FARP1: variants seen among roughly 807,000 people sequenced by gnomAD.
The protein encoded by FARP1 is FERM, ARHGEF and pleckstrin domain-containing protein 1.
A neutral mutation model predicts 128.8 loss-of-function variants in FARP1; 52 were observed. The ratio of observed to expected loss-of-function variants is 0.40; its 90% CI spans 0.32 to 0.51. FARP1 has a LOEUF of 0.51. Ranked by LOEUF, FARP1 falls within the 20% of genes least tolerant of loss-of-function variation. FARP1 has a pLI of 0.45. For missense variants in FARP1, 1,333 were observed against 1,367.9 expected (o/e 0.97, Z 0.40); for synonymous variants, 580 against 551.8 (o/e 1.05, Z -0.72).
At chr13:98,232,823 G>A (rs1317942128) in intron 2 of FARP1, among the ~76,000 whole-genome samples, 2 of 152,216 alleles carry the variant, frequency 1.3e-5, no homozygotes, top group Non-Finnish European at 2.9e-5. Flanking sequence ...TTCATATTGA[G>A]TGAATGATGA....
intron 6 of FARP1, among the ~76,000 whole-genome samples, chr13:98,378,395 A>G (rs1396409862): frequency 6.6e-6 from 1 of 152,168 alleles, no homozygotes; most frequent in Non-Finnish European, 1.5e-5. Flanking sequence ...AGATATTTTA[A>G]TTTGCCTTAA....
At position 98,448,149 on chromosome 13, in the gene FARP1, A is replaced by T. The variant is rs112526206; in HGVS notation, c.3057-87A>T. 317 of 1,161,896 alleles carry T rather than the reference A, an allele frequency of 2.7e-4. No individual in the cohort carries two copies. In the African/African-American group the frequency reaches 4.0e-3, roughly 15 times the overall value. The allele number at this position is 1,161,896 out of a possible 1,614,324, so 72.0% of individuals were successfully genotyped here. ...ATTACCAACCAGGCGGCCTGACTTCACCTTGTGTTTCTGTAAGCGATGCCC... is the reference window on the plus strand; with the variant it reads ...ATTACCAACCAGGCGGCCTGACTTCTCCTTGTGTTTCTGTAAGCGATGCCC... On this transcript the variant is annotated intron_variant, in intron 26 of 26. Transcript: ENST00000319562.
At chr13:98,145,347 A>G (rs1875447533) in intron 1 of FARP1, among the ~76,000 whole-genome samples, 1 of 152,182 alleles carries the variant, frequency 6.6e-6, no homozygotes. Context: ...CGTGGTTTCT[A>G]ATGCCCCCTT....
intron 4 of FARP1, among the ~76,000 whole-genome samples, chr13:98,367,184 C>A (rs554578704): frequency 6.6e-6 from 1 of 151,832 alleles, no homozygotes; most frequent in South Asian, 2.1e-4. Context: ...GAGATGGAGT[C>A]TTGCTCTCTC....
intron 4 of FARP1, among the ~76,000 whole-genome samples, chr13:98,366,727 T>A (rs1324781514): frequency 6.6e-6 from 1 of 152,188 alleles, no homozygotes; most frequent in Admixed American, 6.5e-5. Context: ...TCAGTGAAAA[T>A]CGCAGAGAAT....
intron 2 of FARP1, among the ~76,000 whole-genome samples, chr13:98,305,526 G>C: frequency 6.6e-6 from 1 of 152,208 alleles, no homozygotes; most frequent in Middle Eastern, 3.4e-3. Context: ...TAGAGACGGG[G>C]TTTCTCCATG....
intron 2 of FARP1, among the ~76,000 whole-genome samples, chr13:98,322,766 A>G (rs1163399478): frequency 6.6e-6 from 1 of 152,224 alleles, no homozygotes; most frequent in African/African-American, 2.4e-5. Context: ...TTTCACGGTT[A>G]TAATAACCAT....
At chr13:98,189,441 C>T (rs751192519) in intron 1 of FARP1, among the ~76,000 whole-genome samples, 5 of 152,096 alleles carry the variant, frequency 3.3e-5, no homozygotes, top group Admixed American at 6.5e-5. Context: ...ATACTTTGGT[C>T]ATTTTAACAG....
At chr13:98,222,713 C>T (rs1326953111) in intron 2 of FARP1, among the ~76,000 whole-genome samples, 5 of 151,780 alleles carry the variant, frequency 3.3e-5, no homozygotes, top group African/African-American at 4.8e-5. Context: ...CCTCCGCCTC[C>T]CGGGTTCAAG....
intron 3 of FARP1, among the ~76,000 whole-genome samples, chr13:98,346,364 A>T (rs1185555624): frequency 6.6e-6 from 1 of 150,938 alleles, no homozygotes; most frequent in Non-Finnish European, 1.5e-5. Context: ...TAATTTTTGT[A>T]TTTTTAGTAG....
intron 1 of FARP1, chr13:98,177,196 G>T: frequency 6.3e-7 from 1 of 1,578,932 alleles, no homozygotes; most frequent in Non-Finnish European, 8.6e-7. Context: ...TACCTGGTCT[G>T]CTTGGTCGGC....
At position 98,453,510 on chromosome 13, in the gene FARP1, A is replaced by G; in HGVS notation, c.*5193A>G. 2.8e-6 allele frequency: 1 copy of G among 355,008 alleles called. No homozygotes were observed. Among genetic ancestry groups the G allele is most frequent in the South Asian group, 4.1e-5 (1 of 24,512 alleles). The allele number at this position is 355,008 out of a possible 1,614,324, so 22.0% of individuals were successfully genotyped here. On this transcript the variant is annotated 3_prime_UTR_variant, in exon 27 of 27. Transcript: ENST00000319562. ...CCTTTTACTTACGATCAATTGTCAAAAAGTGAACATTGATCCATACATGAT... is the reference window on the plus strand; with the variant it reads ...CCTTTTACTTACGATCAATTGTCAAGAAGTGAACATTGATCCATACATGAT...
At chr13:98,238,270 C>T (rs1297578433) in intron 2 of FARP1, among the ~76,000 whole-genome samples, 1 of 152,162 alleles carries the variant, frequency 6.6e-6, no homozygotes, top group Non-Finnish European at 1.5e-5. Context: ...AGACCAACCC[C>T]TCCTCTTCCT....
intron 3 of FARP1, chr13:98,345,376 T>C (rs1888135253): frequency 6.6e-6 from 1 of 152,048 alleles, no homozygotes; most frequent in Non-Finnish European, 1.5e-5. Flanking sequence ...AGTTAGCTAA[T>C]GGCACAGCTA....
chr13:98,383,081 C>T (rs941520991), intron 6 of FARP1, among the ~76,000 whole-genome samples: 4 of 152,180 alleles, frequency 2.6e-5, no homozygotes, highest in Admixed American at 2.0e-4. Flanking sequence ...AACCTCACCC[C>T]GTATTTCCCC....
intron 17 of FARP1, among the ~76,000 whole-genome samples, chr13:98,427,383 A>G (rs548563802): frequency 1.4e-3 from 206 of 152,228 alleles, no homozygotes; most frequent in Admixed American, 2.4e-3. Context: ...CTCGTTTCAC[A>G]TGCTCTGTAC....
At chr13:98,339,463 C>T (rs1214312632) in intron 2 of FARP1, among the ~76,000 whole-genome samples, 1 of 152,196 alleles carries the variant, frequency 6.6e-6, no homozygotes, top group Non-Finnish European at 1.5e-5. Flanking sequence ...AGTTACAATT[C>T]AACATGAGAT....
intron 19 of FARP1, 36 bp downstream of exon 19, chr13:98,435,742 G>T (rs1892237155): frequency 2.5e-6 from 4 of 1,609,498 alleles, no homozygotes; most frequent in South Asian, 1.1e-5. Context: ...ACTGCGCGGG[G>T]AGCAGAAAGG....
At chr13:98,287,888 G>C (rs1885266182) in intron 2 of FARP1, among the ~76,000 whole-genome samples, 1 of 145,278 alleles carries the variant, frequency 6.9e-6, no homozygotes, top group Non-Finnish European at 1.5e-5. Flanking sequence ...TGCAACCTCT[G>C]ACTCCCTGGT....
Sources: allele counts gnomAD v4.1 joint callset (sites outside exome capture counted in the v4.1 genomes callset), GRCh38; gene constraint gnomAD v4.1.1; transcripts MANE v1.5; gene names NCBI Gene and HGNC (gene_info 2026-07-23, HGNC 2026-07-21).